Variants in BLTP1 observed in about 807,000 individuals in gnomAD.
BLTP1 encodes bridge-like lipid transfer protein family member 1.
chr4:122,313,315 C>T, the BLTP1 span, among the ~76,000 whole-genome samples: 1 of 152,216 alleles, frequency 6.6e-6, no homozygotes, highest in Admixed American at 6.5e-5. Flanking sequence ...GATAAGCCAT[C>T]TAGAGTGTCA....
At chr4:122,288,441 G>A in the BLTP1 span, among the ~76,000 whole-genome samples, 1 of 152,056 alleles carries the variant, frequency 6.6e-6, no homozygotes, top group East Asian at 1.9e-4. Flanking sequence ...AGCACTTTGG[G>A]AGGCCAAAGT....
the BLTP1 span, chr4:122,258,798 A>G: frequency 6.2e-7 from 1 of 1,613,954 alleles, no homozygotes; most frequent in Non-Finnish European, 8.5e-7. Flanking sequence ...TAATGAGGAA[A>G]CTTTCTAAAA....
At chr4:122,348,562 T>C in the BLTP1 span, 1 of 1,583,068 alleles carries the variant, frequency 6.3e-7, no homozygotes, top group African/African-American at 1.4e-5. Flanking sequence ...TTTTTCTATT[T>C]TTAGATTCAC....
At chr4:122,260,232 G>T in the BLTP1 span, among the ~76,000 whole-genome samples, 1 of 152,170 alleles carries the variant, frequency 6.6e-6, no homozygotes, top group East Asian at 1.9e-4. Context: ...ACACAGAAAA[G>T]ATACAGTAAA....
the BLTP1 span, chr4:122,236,654 T>G: frequency 4.9e-6 from 3 of 616,234 alleles, no homozygotes; most frequent in Non-Finnish European, 6.1e-6. Context: ...AAAGATTGCT[T>G]GATTTTCAAA....
chr4:122,217,092 A>G, the BLTP1 span, among the ~76,000 whole-genome samples: 5 of 152,098 alleles, frequency 3.3e-5, no homozygotes, highest in Non-Finnish European at 5.9e-5. Context: ...CATCCCTGGT[A>G]TGAAACCCAC....
chr4:122,237,996 AAAAAATTATACTT>A, the BLTP1 span: 1 of 1,354,380 alleles, frequency 7.4e-7, no homozygotes, highest in Non-Finnish European at 9.8e-7. Flanking sequence ...AAAAAAAAAA[AAAAAATTATACTT>A]AAAAATGGAT....
chr4:122,331,680 G>A, the BLTP1 span: 1 of 1,418,410 alleles, frequency 7.1e-7, no homozygotes, highest in Non-Finnish European at 9.2e-7. Context: ...TAATGGTCAA[G>A]TGTATATTTC....
At chr4:122,186,520 T>C in the BLTP1 span, among the ~76,000 whole-genome samples, 1 of 152,080 alleles carries the variant, frequency 6.6e-6, no homozygotes, top group Admixed American at 6.5e-5. Flanking sequence ...AATGTATACA[T>C]ACATATTTAA....
chr4:122,299,875 A>C, the BLTP1 span: 7 of 984,920 alleles, frequency 7.1e-6, no homozygotes, highest in Non-Finnish European at 8.4e-6. Context: ...AGAAAATGTA[A>C]TCTGTATGCT....
the BLTP1 span, chr4:122,247,358 G>A: frequency 1.9e-6 from 3 of 1,612,700 alleles, no homozygotes; most frequent in African/African-American, 4.0e-5. Flanking sequence ...GATACAACAG[G>A]TAGGATTCTA....
the BLTP1 span, chr4:122,210,048 C>G: frequency 5.9e-6 from 8 of 1,363,498 alleles, no homozygotes; most frequent in Non-Finnish European, 7.7e-6. Flanking sequence ...TATAGTCTTA[C>G]ATATTTTAGA....
chr4:122,314,527 T>A, the BLTP1 span, among the ~76,000 whole-genome samples: 1 of 152,152 alleles, frequency 6.6e-6, no homozygotes, highest in African/African-American at 2.4e-5. Flanking sequence ...GTTATAAAAT[T>A]GGACAGGGAC....
At chr4:122,162,444 T>G in the BLTP1 span, 3 of 839,732 alleles carry the variant, frequency 3.6e-6, no homozygotes, top group African/African-American at 1.8e-5. Context: ...ACCAGTGCAC[T>G]GAGCTTTCTT....
chr4:122,224,475 A>G, the BLTP1 span: 2 of 1,595,476 alleles, frequency 1.3e-6, no homozygotes, highest in Non-Finnish European at 8.5e-7. Context: ...TACATTTTAC[A>G]GTCTCATCAT....
the BLTP1 span, among the ~76,000 whole-genome samples, chr4:122,282,555 T>G: frequency 2.0e-5 from 3 of 152,114 alleles, no homozygotes; most frequent in Non-Finnish European, 4.4e-5. Flanking sequence ...GGCAGGAGAA[T>G]CGCTTGAATC....
chr4:122,215,049 T>G, the BLTP1 span, among the ~76,000 whole-genome samples: 1 of 152,240 alleles, frequency 6.6e-6, no homozygotes, highest in Admixed American at 6.5e-5. Flanking sequence ...AAAGTACATT[T>G]TGTTGATAAT....
the BLTP1 span, chr4:122,182,968 T>A: frequency 1.0e-6 from 1 of 984,260 alleles, no homozygotes; most frequent in Non-Finnish European, 1.2e-6. Flanking sequence ...ATACGTGTAT[T>A]CTGGTGAGGA....
the BLTP1 span, chr4:122,286,393 T>A: frequency 7.2e-7 from 1 of 1,397,196 alleles, no homozygotes; most frequent in African/African-American, 1.5e-5. Flanking sequence ...GAATATTTTA[T>A]AAGCAACTTT....
Sources: gnomAD v4.1 joint callset for allele counts (sites outside exome capture counted in the v4.1 genomes callset) on GRCh38, gnomAD v4.1.1 for gene constraint, MANE v1.5 for transcripts, NCBI Gene and HGNC (gene_info 2026-07-23, HGNC 2026-07-21) for gene names.